Variants in DAP3 observed in about 807,000 individuals in gnomAD.
The protein encoded by DAP3 is death associated protein 3.
In DAP3, 28 loss-of-function variants were observed where a neutral mutation model predicts 51.9. That is an observed-to-expected ratio of 0.54 (90% CI 0.40 to 0.74). The LOEUF is 0.74. Among genes scored for constraint, DAP3 ranks in the 30% least tolerant of loss-of-function variants. The probability of loss-of-function intolerance (pLI) is 0.00; values close to 1 mark genes in which losing one functional copy is unlikely to be tolerated. For missense variants in DAP3, 458 were observed against 483.5 expected (o/e 0.95, Z 0.49); for synonymous variants, 170 against 170.3 (o/e 1.00, Z 0.01).
At chr1:155,688,737 C>A, upstream of DAP3, 2 of 1,518,428 alleles carry the variant, frequency 1.3e-6, no homozygotes, top group Non-Finnish European at 1.8e-6. Flanking sequence ...GGCCACCAAC[C>A]GCCGCCAAAG....
In DAP3 at chr1:155,725,909, T is replaced by C. The variant is rs1480701956; in HGVS notation, c.380-18T>C. Reference sequence around the variant, plus strand: ...GTGATCCTTCCAGTCATGTTTTCTTTAACAACATATACTTTAGATGGAGAG... The same window carrying C: ...GTGATCCTTCCAGTCATGTTTTCTTCAACAACATATACTTTAGATGGAGAG... On this transcript the variant is annotated intron_variant, in intron 5 of 12. Coordinates refer to ENST00000368336, the MANE Select transcript of DAP3 (RefSeq NM_004632.4). The C allele has an allele frequency of 6.2e-7, 1 of 1,608,142 alleles. No individual in the cohort carries two copies. The highest frequency in any genetic ancestry group is 1.7e-5 in the Admixed American group (1 of 59,678).
At chr1:155,700,336 G>A (rs1655027361) in intron 1 of DAP3, among the ~76,000 whole-genome samples, 1 of 152,234 alleles carries the variant, frequency 6.6e-6, no homozygotes, top group Admixed American at 6.5e-5. Context: ...TCTGTGGGCT[G>A]TCTTTCACTT....
At chr1:155,722,983 A>G (rs1383640607) in intron 4 of DAP3, among the ~76,000 whole-genome samples, 2 of 152,236 alleles carry the variant, frequency 1.3e-5, no homozygotes, top group Non-Finnish European at 2.9e-5. Flanking sequence ...AAGAACTTAC[A>G]GGTTCTTTTC....
chr1:155,726,459 T>G (rs999214262), intron 6 of DAP3, among the ~76,000 whole-genome samples: 10 of 151,788 alleles, frequency 6.6e-5, no homozygotes, highest in African/African-American at 2.4e-4. Flanking sequence ...CGGCTAATTT[T>G]TTTTGTATTT....
chr1:155,738,302 G>A lies in DAP3; in HGVS notation c.*60G>A. On this transcript the variant is annotated 3_prime_UTR_variant, in exon 13 of 13. Transcript: ENST00000368336. ...ATCTGCTTTATGCTGGACCCAGTAAGATGAGGAAGTCGGGCAGTACACAGG... is the reference window on the plus strand; with the variant it reads ...ATCTGCTTTATGCTGGACCCAGTAAAATGAGGAAGTCGGGCAGTACACAGG... 1 of 1,589,530 alleles carries A rather than the reference G, an allele frequency of 6.3e-7. No individual in the cohort carries two copies. Among genetic ancestry groups the A allele is most frequent in the Non-Finnish European group, 8.6e-7 (1 of 1,161,042 alleles).
chr1:155,720,099 G>A (rs2149171446), intron 3 of DAP3, among the ~76,000 whole-genome samples: 1 of 148,822 alleles, frequency 6.7e-6, no homozygotes, highest in African/African-American at 2.5e-5. Context: ...AAAGTGGGAG[G>A]ATCACTTGAG....
In DAP3 at chr1:155,725,994, C is replaced by G; in HGVS notation, c.447C>G (p.Asp149Glu). Reference sequence around the variant, plus strand: ...TTATTCATTTCTGTGCAAAACAGGACTGGCTGATACTACATATTCCAGATG... The same window carrying G: ...TTATTCATTTCTGTGCAAAACAGGAGTGGCTGATACTACATATTCCAGATG... The part of the protein sequence containing the change: ...CHVIHFCAKQ[D>E]WLILHIPDAH... Residue 149 changes from aspartate (D) to glutamate (E), a missense_variant, in exon 6 of 13, where the codon GAC becomes GAG. Physicochemically the swap from Asp to Glu is conservative, Grantham distance 45. Transcript: ENST00000368336. 1 of 1,614,112 alleles carries G rather than the reference C, an allele frequency of 6.2e-7. No homozygotes were observed. The highest frequency in any genetic ancestry group is 8.5e-7 in the Non-Finnish European group (1 of 1,180,004).
chr1:155,688,734 A>C (rs867985922), upstream of DAP3: 10 of 1,501,238 alleles, frequency 6.7e-6, no homozygotes, highest in South Asian at 1.2e-5. Context: ...CACGGCCACC[A>C]ACCGCCGCCA....
At chr1:155,736,838 A>T in intron 11 of DAP3, 108 bp from the exon 12 acceptor site, 1 of 891,148 alleles carries the variant, frequency 1.1e-6, no homozygotes, top group Non-Finnish European at 1.9e-6. Flanking sequence ...AAGTAGAGTT[A>T]CATAGAAGAA....
chr1:155,725,833 C>T, intron 5 of DAP3, 94 bp from the exon 6 acceptor site: 2 of 1,196,564 alleles, frequency 1.7e-6, no homozygotes, highest in South Asian at 1.4e-5. Flanking sequence ...CACTGCACTC[C>T]AACCCCATCT....
At chr1:155,704,396 C>A (rs1251165338) in intron 1 of DAP3, among the ~76,000 whole-genome samples, 1 of 152,212 alleles carries the variant, frequency 6.6e-6, no homozygotes, top group Non-Finnish European at 1.5e-5. Context: ...ATGTCACACA[C>A]TCCTTCCTCT....
In DAP3 at chr1:155,731,998, C is replaced by T. The variant is rs766644128; in HGVS notation, c.958C>T (p.Arg320Trp). The T allele has an allele frequency of 3.9e-5, 63 of 1,611,372 alleles. No homozygotes were observed. The highest frequency in any genetic ancestry group is 1.4e-4 in the South Asian group (13 of 90,540). Reference sequence around the variant, plus strand: ...CCAGACTGGGTCTCTCTTTAAGCCCCGGAAAGCCTATCTGCCCCAGGAGTT... The same window carrying T: ...CCAGACTGGGTCTCTCTTTAAGCCCTGGAAAGCCTATCTGCCCCAGGAGTT... Reference protein sequence around the residue: ...LSQTGSLFKPRKAYLPQELLG... With the variant: ...LSQTGSLFKPWKAYLPQELLG... Residue 320 changes from arginine (R) to tryptophan (W), a missense_variant, in exon 11 of 13, where the codon CGG becomes TGG. Coordinates refer to ENST00000368336, the MANE Select transcript of DAP3 (RefSeq NM_004632.4).
intron 1 of DAP3, among the ~76,000 whole-genome samples, chr1:155,690,474 G>A (rs953811066): frequency 7.1e-6 from 1 of 141,272 alleles, no homozygotes; most frequent in East Asian, 1.9e-4. Context: ...TGAGGAAGAG[G>A]TTGCAAAGTT....
intron 3 of DAP3, among the ~76,000 whole-genome samples, 178 bp from the exon 4 acceptor site, chr1:155,721,339 A>T (rs1657976088): frequency 1.4e-5 from 2 of 147,114 alleles, no homozygotes; most frequent in African/African-American, 2.6e-5. Context: ...TTTTAAAAAT[A>T]ATATATATAT....
chr1:155,701,031 C>G (rs1317961972), intron 1 of DAP3, among the ~76,000 whole-genome samples: 2 of 128,326 alleles, frequency 1.6e-5, no homozygotes, highest in African/African-American at 7.7e-5. Context: ...CCCGGCCAGC[C>G]GCCCCCTCCG....
At chr1:155,720,780 T>A (rs947543835) in intron 3 of DAP3, among the ~76,000 whole-genome samples, 1 of 151,840 alleles carries the variant, frequency 6.6e-6, no homozygotes, top group Non-Finnish European at 1.5e-5. Context: ...GGCTCACGCC[T>A]GTAATCCCAG....
At chr1:155,702,645 C>G (rs1655456694) in intron 1 of DAP3, among the ~76,000 whole-genome samples, 1 of 151,996 alleles carries the variant, frequency 6.6e-6, no homozygotes, top group Non-Finnish European at 1.5e-5. Context: ...CTATTCTTTC[C>G]TCATTGAATT....
intron 2 of DAP3, among the ~76,000 whole-genome samples, chr1:155,712,269 A>G (rs1323464274): frequency 1.3e-5 from 2 of 152,230 alleles, no homozygotes; most frequent in African/African-American, 2.4e-5. Flanking sequence ...TCTGGAAACA[A>G]CAGTCTACTT....
upstream of DAP3, chr1:155,688,967 C>T (rs778076319): frequency 8.1e-6 from 13 of 1,610,062 alleles, no homozygotes; most frequent in Non-Finnish European, 1.1e-5. Flanking sequence ...CGGCTCGCCT[C>T]CTCCTCCATG....
Sources: allele counts gnomAD v4.1 joint callset (sites outside exome capture counted in the v4.1 genomes callset), GRCh38; gene constraint gnomAD v4.1.1; transcripts MANE v1.5; gene names NCBI Gene and HGNC (gene_info 2026-07-23, HGNC 2026-07-21).